Variants in CLASP2 observed in about 807,000 individuals in gnomAD.
CLASP2 encodes CLIP-associating protein 2.
CLASP2 carries 47 observed loss-of-function variants against 194.4 expected under a neutral mutation model. The ratio of observed to expected loss-of-function variants is 0.24; its 90% CI spans 0.19 to 0.31. CLASP2 has a LOEUF of 0.31. Ranked by LOEUF, CLASP2 falls within the 10% of genes least tolerant of loss-of-function variation. The probability of loss-of-function intolerance (pLI) is 1.00; values close to 1 mark genes in which losing one functional copy is unlikely to be tolerated. For synonymous variants in CLASP2, 619 were observed against 633.5 expected (o/e 0.98, Z 0.34); for missense variants, 1,445 against 1,823.6 (o/e 0.79, Z 3.78).
intron 20 of CLASP2, chr3:33,592,804 T>A (rs931716283): frequency 2.9e-6 from 1 of 343,572 alleles, no homozygotes; most frequent in Non-Finnish European, 5.5e-6. Flanking sequence ...TCTCAATTGG[T>A]AGTTGCAATT....
chr3:33,547,004 T>C (rs889053693), intron 30 of CLASP2, among the ~76,000 whole-genome samples: 4 of 152,224 alleles, frequency 2.6e-5, no homozygotes, highest in African/African-American at 4.8e-5. Flanking sequence ...CCTGTATCTA[T>C]TGAGATGATT....
chr3:33,621,568 T>C (rs2077118804), intron 11 of CLASP2, among the ~76,000 whole-genome samples: 1 of 152,206 alleles, frequency 6.6e-6, no homozygotes, highest in Admixed American at 6.5e-5. Context: ...TCTTCGTTTC[T>C]GACTAGAATA....
chr3:33,611,231 G>A (rs2075117941), intron 13 of CLASP2, among the ~76,000 whole-genome samples: 1 of 152,128 alleles, frequency 6.6e-6, no homozygotes, highest in Non-Finnish European at 1.5e-5. Context: ...GGACATCTAC[G>A]CAGCAACTGC....
At chr3:33,682,026 T>G (rs1005499204) in intron 6 of CLASP2, among the ~76,000 whole-genome samples, 1 of 148,940 alleles carries the variant, frequency 6.7e-6, no homozygotes, top group Admixed American at 7.0e-5. Context: ...CCACTGTGAG[T>G]AGAAGCTGTG....
intron 23 of CLASP2, among the ~76,000 whole-genome samples, chr3:33,577,791 G>A (rs1171917098): frequency 6.6e-6 from 1 of 152,138 alleles, no homozygotes; most frequent in Non-Finnish European, 1.5e-5. Context: ...ACTGGGATTA[G>A]TGCCTTTACA....
At chr3:33,671,505 C>T (rs575945761) in intron 6 of CLASP2, among the ~76,000 whole-genome samples, 40 of 152,278 alleles carry the variant, frequency 2.6e-4, no homozygotes, top group East Asian at 1.5e-3. Flanking sequence ...CAGCTCCCAG[C>T]GTGAGAGACC....
chr3:33,619,215 T>G (rs939945197), intron 12 of CLASP2, among the ~76,000 whole-genome samples: 1 of 152,198 alleles, frequency 6.6e-6, no homozygotes, highest in African/African-American at 2.4e-5. Context: ...CTGTTGTATA[T>G]GCAGCCCACC....
chr3:33,512,671 C>T (rs1575687619), intron 36 of CLASP2, among the ~76,000 whole-genome samples: 1 of 116,004 alleles, frequency 8.6e-6, no homozygotes. Context: ...TAGAAAGGTA[C>T]AGTGGGACAT....
intron 36 of CLASP2, among the ~76,000 whole-genome samples, chr3:33,510,978 C>A (rs928310070): frequency 2.0e-5 from 3 of 150,516 alleles, no homozygotes; most frequent in African/African-American, 7.3e-5. Flanking sequence ...GATACATGGG[C>A]TTTATTACAC....
intron 25 of CLASP2, among the ~76,000 whole-genome samples, chr3:33,571,956 G>T (rs1472605163): frequency 6.6e-6 from 1 of 152,130 alleles, no homozygotes; most frequent in Non-Finnish European, 1.5e-5. Flanking sequence ...TAAAAGTTAA[G>T]AAGAAAAATA....
intron 29 of CLASP2, chr3:33,554,854 T>A (rs2060645450): frequency 6.5e-6 from 1 of 152,862 alleles, no homozygotes; most frequent in Non-Finnish European, 1.5e-5. Flanking sequence ...TATTTCAGAG[T>A]GCAAAGGGAT....
chr3:33,602,713 C>T (rs541677110), intron 18 of CLASP2: 1 of 685,498 alleles, frequency 1.5e-6, no homozygotes, highest in South Asian at 1.6e-5. Flanking sequence ...GAAAATTCTA[C>T]AGGCAATCAT....
At chr3:33,579,976 C>A (rs2065669438) in intron 23 of CLASP2, among the ~76,000 whole-genome samples, 1 of 152,144 alleles carries the variant, frequency 6.6e-6, no homozygotes, top group Admixed American at 6.5e-5. Context: ...CATGCGCATG[C>A]ACATGCACAC....
At chr3:33,603,375 T>C (rs913123324) in intron 17 of CLASP2, among the ~76,000 whole-genome samples, 15 of 152,212 alleles carry the variant, frequency 9.9e-5, no homozygotes, top group African/African-American at 2.4e-4. Flanking sequence ...AATGGTGACA[T>C]TGTGACTGTA....
At chr3:33,505,377 T>C (rs1322094709) in intron 37 of CLASP2, 1 of 152,162 alleles carries the variant, frequency 6.6e-6, no homozygotes, top group Non-Finnish European at 1.5e-5. Flanking sequence ...TGGGGGATGG[T>C]AGGCAGTTAG....
chr3:33,621,972 T>C (rs968969348), intron 11 of CLASP2, among the ~76,000 whole-genome samples, 163 bp downstream of exon 11: 1 of 152,182 alleles, frequency 6.6e-6, no homozygotes, highest in Non-Finnish European at 1.5e-5. Flanking sequence ...TGTTAAGGAA[T>C]TTTTTAAAAA....
intron 6 of CLASP2, among the ~76,000 whole-genome samples, chr3:33,673,361 G>C (rs1219949331): frequency 6.6e-6 from 1 of 152,148 alleles, no homozygotes; most frequent in African/African-American, 2.4e-5. Context: ...AAGTGAAGGA[G>C]AAATAAAATA....
chr3:33,574,477 G>C (rs1005198390), intron 24 of CLASP2: 2 of 1,506,918 alleles, frequency 1.3e-6, no homozygotes, highest in African/African-American at 2.8e-5. Flanking sequence ...CTATACCTTA[G>C]TCCGTATGTC....
chr3:33,709,384 T>C (rs2092888639), intron 1 of CLASP2, among the ~76,000 whole-genome samples: 1 of 152,268 alleles, frequency 6.6e-6, no homozygotes, highest in Admixed American at 6.5e-5. Flanking sequence ...CCTTTCCCCA[T>C]TGTGTATTCT....
Sources: gnomAD v4.1 joint callset for allele counts (sites outside exome capture counted in the v4.1 genomes callset) on GRCh38, gnomAD v4.1.1 for gene constraint, MANE v1.5 for transcripts, NCBI Gene and HGNC (gene_info 2026-07-23, HGNC 2026-07-21) for gene names.